The following PARVA variants were observed in gnomAD, a reference collection of about 807,000 sequenced individuals.
PARVA encodes alpha-parvin.
In PARVA, 25 loss-of-function variants were observed where a neutral mutation model predicts 52.6. The observed-to-expected ratio is 0.48, with a 90% confidence interval of 0.35 to 0.66. The LOEUF (loss-of-function observed/expected upper bound fraction) is 0.66. Ranked by LOEUF, PARVA falls within the 30% of genes least tolerant of loss-of-function variation. The probability of loss-of-function intolerance (pLI) is 0.01; values close to 1 mark genes in which losing one functional copy is unlikely to be tolerated. For missense variants in PARVA, 373 were observed against 450.9 expected (o/e 0.83, Z 1.56); for synonymous variants, 185 against 179.1 (o/e 1.03, Z -0.26).
At position 12,521,592 on chromosome 11, in the gene PARVA, G is replaced by A. The variant is rs75802408; in HGVS notation, c.1042+3075G>A. 4.0e-3 allele frequency among the ~76,000 whole-genome samples: 612 copies of A among 152,198 alleles called. 5 individuals are homozygous for A. The highest frequency in any genetic ancestry group is 0.014 in the African/African-American group (579 of 41,514). On this transcript the variant is annotated intron_variant, in intron 12 of 12. Transcript: ENST00000334956. ...CAAAAACGTCCAGGTCCTAATCCTC[G>A]GTACCTGTTCATGTGTTATCTTACA...
chr11:12,457,528 C>G (rs1190911642), intron 1 of PARVA, among the ~76,000 whole-genome samples: 1 of 152,228 alleles, frequency 6.6e-6, no homozygotes, highest in East Asian at 1.9e-4. Flanking sequence ...ATTGCTGCCT[C>G]AGTTCCTCAG....
chr11:12,531,757 T>G lies in PARVA; in HGVS notation c.*3832T>G, dbSNP rs1377837448. On this transcript the variant is annotated 3_prime_UTR_variant, in exon 13 of 13. Coordinates refer to ENST00000334956, the MANE Select transcript of PARVA (RefSeq NM_018222.5). Reference sequence around the variant, plus strand: ...ATTGCGTGTCATTTCCCCCAAAAATTTGCTTAACTCTATTGGAAAATCCAA... The same window carrying G: ...ATTGCGTGTCATTTCCCCCAAAAATGTGCTTAACTCTATTGGAAAATCCAA... Among the ~76,000 whole-genome samples, 1 of 151,800 alleles carries G rather than the reference T, an allele frequency of 6.6e-6. No homozygotes were observed. Among genetic ancestry groups the G allele is most frequent in the East Asian group, 1.9e-4 (1 of 5,192 alleles).
At chr11:12,377,477 G>A (rs1303248804), upstream of PARVA, 3 of 1,402,028 alleles carry the variant, frequency 2.1e-6, no homozygotes, top group Non-Finnish European at 2.8e-6. Context: ...CGCGAGGGAG[G>A]GAGCGAGGGA....
At chr11:12,430,191 C>T (rs1226139004) in intron 1 of PARVA, among the ~76,000 whole-genome samples, 6 of 152,176 alleles carry the variant, frequency 3.9e-5, no homozygotes, top group South Asian at 2.1e-4. Context: ...AAGAGCAGCA[C>T]ACCATTGTGT....
At chr11:12,525,993 G>T (rs1486327090) in intron 12 of PARVA, among the ~76,000 whole-genome samples, 2 of 152,148 alleles carry the variant, frequency 1.3e-5, no homozygotes. Context: ...ATGCCAGGCT[G>T]TGGCAGTTCC....
At chr11:12,476,132 A>G (rs1037961118) in intron 3 of PARVA, among the ~76,000 whole-genome samples, 1 of 152,148 alleles carries the variant, frequency 6.6e-6, no homozygotes, top group Non-Finnish European at 1.5e-5. Context: ...TTTAGGCTTC[A>G]ATGTTGATCT....
chr11:12,507,383 A>G (rs1941444023), intron 6 of PARVA, among the ~76,000 whole-genome samples: 1 of 152,074 alleles, frequency 6.6e-6, no homozygotes, highest in Non-Finnish European at 1.5e-5. Flanking sequence ...CTCCCTCCTC[A>G]CACCCATCAG....
intron 1 of PARVA, among the ~76,000 whole-genome samples, chr11:12,444,277 A>G (rs1413962392): frequency 1.3e-5 from 2 of 152,170 alleles, no homozygotes; most frequent in Non-Finnish European, 2.9e-5. Flanking sequence ...AAATCTTCCA[A>G]AGAGCACCAA....
Position 12,533,223 on chromosome 11 carries a change from A to G in PARVA, c.*5298A>G, listed in dbSNP as rs1020715780. 1.9e-4 allele frequency among the ~76,000 whole-genome samples: 29 copies of G among 152,282 alleles called. No individual in the cohort carries two copies. Among genetic ancestry groups the G allele is most frequent in the African/African-American group, 6.3e-4 (26 of 41,572 alleles). On this transcript the variant is annotated 3_prime_UTR_variant, in exon 13 of 13. Coordinates refer to ENST00000334956, the MANE Select transcript of PARVA (RefSeq NM_018222.5). ...GGACGAGGCTGCATGTGTGGAGGGAATGAAATAAGGGGCCTACCAGGCCAG... is the reference window on the plus strand; with the variant it reads ...GGACGAGGCTGCATGTGTGGAGGGAGTGAAATAAGGGGCCTACCAGGCCAG...
chr11:12,461,644 C>T (rs1940782621), intron 1 of PARVA, among the ~76,000 whole-genome samples: 2 of 152,222 alleles, frequency 1.3e-5, no homozygotes, highest in Admixed American at 1.3e-4. Context: ...GCTTCCATCT[C>T]CTTCCATGCC....
Position 12,496,470 on chromosome 11 carries a change from G to T in PARVA, c.413G>T (p.Ser138Ile). The change falls in exon 5 of 13, where the codon AGT (serine) becomes ATT (isoleucine). Residue 138 changes from serine (S) to isoleucine (I), a missense_variant. Coordinates refer to ENST00000334956, the MANE Select transcript of PARVA (RefSeq NM_018222.5). ...TTGTCACCCTCAGAGAAACTGGAGA[G>T]TGAGAAGCTAAATGTGGCTGAGGTC... Reference protein sequence around the residue: ...VLQKLFEKLESEKLNVAEVTQ... With the variant: ...VLQKLFEKLEIEKLNVAEVTQ... 1.2e-6 allele frequency: 2 copies of T among 1,607,758 alleles called. No homozygotes were observed. Among genetic ancestry groups the T allele is most frequent in the Non-Finnish European group, 1.7e-6 (2 of 1,177,076 alleles).
intron 1 of PARVA, among the ~76,000 whole-genome samples, chr11:12,433,255 T>G (rs1031988970): frequency 2.0e-5 from 3 of 152,214 alleles, no homozygotes; most frequent in African/African-American, 7.2e-5. Context: ...ACCATCTGAT[T>G]TACAGTTTTC....
At chr11:12,436,562 T>G (rs1398789399) in intron 1 of PARVA, among the ~76,000 whole-genome samples, 1 of 152,160 alleles carries the variant, frequency 6.6e-6, no homozygotes, top group African/African-American at 2.4e-5. Flanking sequence ...AAGGCTTCTA[T>G]GAAAGTTAGG....
chr11:12,387,995 C>T (rs1318437460), intron 1 of PARVA, among the ~76,000 whole-genome samples: 1 of 152,116 alleles, frequency 6.6e-6, no homozygotes, highest in Non-Finnish European at 1.5e-5. Flanking sequence ...TCTCATTCTC[C>T]CTCCCCTGCC....
At position 12,377,690 on chromosome 11, in the gene PARVA, C is replaced by T. The variant is rs1457800171; in HGVS notation, c.43C>T (p.Pro15Ser). 5.1e-6 allele frequency: 8 copies of T among 1,568,126 alleles called. No individual in the cohort carries two copies. Among genetic ancestry groups the T allele is most frequent in the African/African-American group, 1.4e-5 (1 of 70,376 alleles). The change falls in exon 1 of 13, where the codon CCC becomes TCC. Residue 15 changes from proline to serine, a missense_variant. Transcript: ENST00000334956. ...GAAGTCGCCTTCTGTCCCCAAGTCTCCCACTCCCAAGTCGCCCCCGTCCCG... is the reference window on the plus strand; with the variant it reads ...GAAGTCGCCTTCTGTCCCCAAGTCTTCCACTCCCAAGTCGCCCCCGTCCCG... ...PQKSPSVPKSPTPKSPPSRKK... is the reference protein window; with the variant it reads ...PQKSPSVPKSSTPKSPPSRKK...
At chr11:12,525,158 G>A (rs1941684719) in intron 12 of PARVA, among the ~76,000 whole-genome samples, 1 of 152,220 alleles carries the variant, frequency 6.6e-6, no homozygotes, top group African/African-American at 2.4e-5. Context: ...TGGGAAGGTA[G>A]GCAGGTCGGG....
At position 12,530,420 on chromosome 11, in the gene PARVA, A is replaced by G. The variant is rs192594700; in HGVS notation, c.*2495A>G. ...AAAAAAGAAACCAAAATGAGAATCA[A>G]CACTTCATAGGCTCACTGGGTTTTC... On this transcript the variant is annotated 3_prime_UTR_variant, in exon 13 of 13. Transcript: ENST00000334956. 32 of 152,354 alleles carry G rather than the reference A, an allele frequency of 2.1e-4. No homozygotes were observed. Among genetic ancestry groups the G allele is most frequent in the Non-Finnish European group, 3.5e-4 (24 of 68,040 alleles). The allele number at this position is 152,354 out of a possible 1,614,324, so 9.4% of individuals were successfully genotyped here. A position where few individuals can be genotyped will look rare whatever the true frequency, so the allele number is the denominator to read the frequency against.
chr11:12,428,173 A>C (rs1250603528), intron 1 of PARVA, among the ~76,000 whole-genome samples: 2 of 152,228 alleles, frequency 1.3e-5, no homozygotes, highest in Non-Finnish European at 2.9e-5. Context: ...AATGATGAGC[A>C]GAGAAGTTGG....
Position 12,513,488 on chromosome 11 carries a change from G to A in PARVA, c.798+128G>A, listed in dbSNP as rs535495346. ...CATCACCTAACCTCTGCACACACAGGGCTTTCCCCCTTGCCATCCATGTAC... is the reference window on the plus strand; with the variant it reads ...CATCACCTAACCTCTGCACACACAGAGCTTTCCCCCTTGCCATCCATGTAC... On this transcript the variant is annotated intron_variant, in intron 9 of 12. Transcript: ENST00000334956. 1.5e-4 allele frequency: 125 copies of A among 841,416 alleles called. No homozygotes were observed. In the African/African-American group the frequency reaches 1.6e-3, roughly 11 times the overall value. The allele number at this position is 841,416 out of a possible 1,614,324, so 52.1% of individuals were successfully genotyped here. A position where few individuals can be genotyped will look rare whatever the true frequency, so the allele number is the denominator to read the frequency against.
Sources: allele counts gnomAD v4.1 joint callset (sites outside exome capture counted in the v4.1 genomes callset), GRCh38; gene constraint gnomAD v4.1.1; transcripts MANE v1.5; gene names NCBI Gene and HGNC (gene_info 2026-07-23, HGNC 2026-07-21).